The following ZC3H12B variants were observed in gnomAD, a reference collection of about 807,000 sequenced individuals.
The protein encoded by ZC3H12B is zinc finger CCCH-type containing 12B, also known as probable ribonuclease ZC3H12B.
In ZC3H12B, 7 loss-of-function variants were observed where a neutral mutation model predicts 43.9. The ratio of observed to expected loss-of-function variants is 0.16; its 90% CI spans 0.09 to 0.30. The LOEUF (loss-of-function observed/expected upper bound fraction) is 0.30. Among genes scored for constraint, ZC3H12B ranks in the 10% least tolerant of loss-of-function variants. The pLI is 1.00. For synonymous variants in ZC3H12B, 222 were observed against 241.7 expected, an observed-to-expected ratio of 0.92 and a Z score of 0.76; for missense variants, 475 against 670.2, an observed-to-expected ratio of 0.71 and a Z score of 3.22.
the ZC3H12B span, among the ~76,000 whole-genome samples, chrX:65,329,764 A>AT: frequency 9.0e-6 from 1 of 111,708 alleles, no homozygotes; most frequent in African/African-American, 3.3e-5. Flanking sequence ...AGCTTTCTAC[A>AT]TATGGCTAGC....
chrX:65,386,343 A>G (rs1470468574), intron 2 of ZC3H12B, among the ~76,000 whole-genome samples: 1 of 111,570 alleles, frequency 9.0e-6, no homozygotes, highest in Non-Finnish European at 1.9e-5. Context: ...TGGTCTATTC[A>G]GGGATTCAAC....
At chrX:65,048,834 G>T in the ZC3H12B span, among the ~76,000 whole-genome samples, 2 of 110,363 alleles carry the variant, frequency 1.8e-5, no homozygotes, top group African/African-American at 6.6e-5. Context: ...TTACTTTCTG[G>T]TTTTTGTTTT....
chrX:65,039,545 A>G, the ZC3H12B span, among the ~76,000 whole-genome samples: 1 of 111,281 alleles, frequency 9.0e-6, no homozygotes, highest in East Asian at 2.8e-4. Context: ...CCTCACTTCT[A>G]CTTTTCCTAA....
At chrX:65,091,956 T>G in the ZC3H12B span, among the ~76,000 whole-genome samples, 3 of 112,185 alleles carry the variant, frequency 2.7e-5, no homozygotes, top group East Asian at 8.4e-4. Flanking sequence ...AAGTGGGGCC[T>G]GGTGGGATGT....
chrX:65,469,589 A>G (rs1016176014), intron 3 of ZC3H12B: 11 of 248,192 alleles, frequency 4.4e-5, no homozygotes, highest in Non-Finnish European at 6.7e-5. Flanking sequence ...CTCAGATACT[A>G]CTGCCTCAGC....
the ZC3H12B span, among the ~76,000 whole-genome samples, chrX:65,274,959 C>A: frequency 1.2e-4 from 13 of 112,037 alleles, no homozygotes; most frequent in Non-Finnish European, 3.8e-5. Flanking sequence ...GATCCTTGGG[C>A]CATCCCTGGT....
chrX:65,322,333 C>T, the ZC3H12B span, among the ~76,000 whole-genome samples: 1 of 111,998 alleles, frequency 8.9e-6, no homozygotes, highest in African/African-American at 3.2e-5. Flanking sequence ...TCCATTAGGC[C>T]TCAACTCCAA....
At chrX:65,368,930 G>T (rs34776582) in exon 2 of ZC3H12B, 1 of 111,923 alleles carries the variant, frequency 8.9e-6, no homozygotes. Flanking sequence ...TGGACTACAG[G>T]CCTCCAAAGA....
the ZC3H12B span, among the ~76,000 whole-genome samples, chrX:65,130,702 C>A: frequency 9.0e-6 from 1 of 111,639 alleles, no homozygotes; most frequent in African/African-American, 3.3e-5. Flanking sequence ...ATAGAATGGG[C>A]CTGTGAGGCT....
chrX:65,472,866 GTA>G (rs1201626242), intron 3 of ZC3H12B, among the ~76,000 whole-genome samples: 1 of 74,907 alleles, frequency 1.3e-5, no homozygotes, highest in Non-Finnish European at 2.4e-5. Flanking sequence ...ATATGTTTGT[GTA>G]TATATATGTT....
At chrX:65,075,932 C>T in the ZC3H12B span, among the ~76,000 whole-genome samples, 15 of 111,480 alleles carry the variant, frequency 1.3e-4, no homozygotes, top group Non-Finnish European at 2.4e-4. Context: ...ATGAATTTTC[C>T]TACCAGCTTC....
chrX:65,242,098 G>A, the ZC3H12B span, among the ~76,000 whole-genome samples: 10 of 110,957 alleles, frequency 9.0e-5, no homozygotes, highest in Admixed American at 9.6e-4. Flanking sequence ...TCCTTGGCTA[G>A]GGGTGGGGGT....
intron 2 of ZC3H12B, among the ~76,000 whole-genome samples, chrX:65,372,250 G>A: frequency 8.9e-6 from 1 of 111,934 alleles, no homozygotes; most frequent in Non-Finnish European, 1.9e-5. Flanking sequence ...GGCTCTGAAA[G>A]TTGATATTAG....
the ZC3H12B span, among the ~76,000 whole-genome samples, chrX:65,119,271 G>A: frequency 9.0e-6 from 1 of 111,456 alleles, no homozygotes; most frequent in African/African-American, 3.3e-5. Flanking sequence ...CACCAACAGT[G>A]TAAAAGTGTT....
At chrX:65,443,415 G>GAA (rs1172042882) in intron 3 of ZC3H12B, among the ~76,000 whole-genome samples, 7 of 111,563 alleles carry the variant, frequency 6.3e-5, no homozygotes, top group Non-Finnish European at 1.3e-4. Context: ...AGGAATTAAA[G>GAA]ACACACACAC....
At chrX:65,500,834 C>T (rs765919452) in intron 4 of ZC3H12B, among the ~76,000 whole-genome samples, 3 of 110,614 alleles carry the variant, frequency 2.7e-5, no homozygotes, top group East Asian at 2.8e-4. Context: ...CCTAACATTG[C>T]GACATGGGCT....
At chrX:65,099,082 G>A in the ZC3H12B span, among the ~76,000 whole-genome samples, 3 of 111,511 alleles carry the variant, frequency 2.7e-5, no homozygotes, top group African/African-American at 9.8e-5. Flanking sequence ...TGAGTAGGTG[G>A]CTTTGCCATG....
At chrX:65,420,695 A>T (rs2067007984) in intron 3 of ZC3H12B, among the ~76,000 whole-genome samples, 1 of 111,966 alleles carries the variant, frequency 8.9e-6, no homozygotes, top group South Asian at 3.8e-4. Flanking sequence ...AGACAATTAG[A>T]TGAAATCAGG....
chrX:65,343,193 TA>T, the ZC3H12B span, among the ~76,000 whole-genome samples: 4 of 109,894 alleles, frequency 3.6e-5, no homozygotes, highest in East Asian at 5.7e-4. Flanking sequence ...AAACAAATTT[TA>T]AAAAAAATAA....
Sources: allele counts gnomAD v4.1 joint callset (sites outside exome capture counted in the v4.1 genomes callset), GRCh38; gene constraint gnomAD v4.1.1; transcripts MANE v1.5; gene names NCBI Gene and HGNC (gene_info 2026-07-23, HGNC 2026-07-21).